Variants in UBE4B observed in about 807,000 individuals in gnomAD.
UBE4B encodes ubiquitination factor E4B.
A neutral mutation model predicts 148.1 loss-of-function variants in UBE4B; 27 were observed. The observed-to-expected ratio is 0.18, with a 90% confidence interval of 0.13 to 0.25. The LOEUF (loss-of-function observed/expected upper bound fraction) is 0.25. UBE4B is among the 10% of genes least tolerant of loss of function. The pLI is 1.00. For missense variants in UBE4B, 1,170 were observed against 1,662.4 expected, an observed-to-expected ratio of 0.70 and a Z score of 5.15; for synonymous variants, 596 against 619.3, an observed-to-expected ratio of 0.96 and a Z score of 0.56.
chr1:10,075,292 A>G (rs2101837598), intron 2 of UBE4B, among the ~76,000 whole-genome samples: 1 of 152,342 alleles, frequency 6.6e-6, no homozygotes, highest in Admixed American at 6.5e-5. Flanking sequence ...GCCCTGCTCT[A>G]GACCTGTCAG....
chr1:10,149,199 A>G lies in UBE4B; in HGVS notation c.2607A>G (p.Leu869=), dbSNP rs747131906. ...TCTTTGACAGTATAACACTGCCTTTAAATTCAGATGTCCCCAAGGTATTTG... is the reference window on the plus strand; with the variant it reads ...TCTTTGACAGTATAACACTGCCTTTGAATTCAGATGTCCCCAAGGTATTTG... ...DPAYPDITLP[L]NSDVPKVFAA... The change falls in exon 20 of 28, where the codon TTA becomes TTG. Residue 869 remains leucine, a synonymous_variant. Transcript: ENST00000343090. The G allele has an allele frequency of 1.9e-6, 3 of 1,604,840 alleles. No individual in the cohort carries two copies. In the Admixed American group the frequency reaches 5.2e-5, roughly 28 times the overall value.
intron 2 of UBE4B, among the ~76,000 whole-genome samples, chr1:10,077,988 T>G (rs982834349): frequency 1.3e-5 from 2 of 152,146 alleles, no homozygotes; most frequent in East Asian, 1.9e-4. Context: ...AATGCCACTT[T>G]TTTATAGTTA....
At chr1:10,127,202 TAAAA>T (rs35655615) in intron 11 of UBE4B, among the ~76,000 whole-genome samples, 1 of 144,398 alleles carries the variant, frequency 6.9e-6, no homozygotes, top group African/African-American at 2.5e-5. Context: ...TTTTGTTACT[TAAAA>T]AAAAAAAACC....
At chr1:10,049,593 A>AT (rs58272276) in intron 1 of UBE4B, among the ~76,000 whole-genome samples, 10 of 151,282 alleles carry the variant, frequency 6.6e-5, no homozygotes, top group South Asian at 4.2e-4. Context: ...AAAAAAAAAA[A>AT]TTTTTTTAAA....
intron 2 of UBE4B, among the ~76,000 whole-genome samples, chr1:10,079,372 C>G (rs1388337179): frequency 6.6e-6 from 1 of 152,080 alleles, no homozygotes; most frequent in African/African-American, 2.4e-5. Context: ...GTTGACCAGG[C>G]TGGTCTTGAA....
intron 1 of UBE4B, among the ~76,000 whole-genome samples, chr1:10,051,031 A>G (rs902536141): frequency 1.3e-5 from 2 of 152,092 alleles, no homozygotes; most frequent in African/African-American, 4.8e-5. Flanking sequence ...GTTTTGAGAC[A>G]GGACTTGCTC....
chr1:10,079,114 G>A (rs1644632463), intron 2 of UBE4B, among the ~76,000 whole-genome samples: 1 of 152,074 alleles, frequency 6.6e-6, no homozygotes, highest in South Asian at 2.1e-4. Context: ...GTTCTCCATT[G>A]TTTTCATTCC....
At position 10,154,661 on chromosome 1, in the gene UBE4B, A is replaced by C. The variant is rs6665885; in HGVS notation, c.2926+3100A>C. Among the ~76,000 whole-genome samples, 745 of 152,288 alleles carry C rather than the reference A, an allele frequency of 4.9e-3. 9 individuals are homozygous for C. The highest frequency in any genetic ancestry group is 0.017 in the African/African-American group (695 of 41,558). ...GAGGCTTAGTCTGGCCAAAATGGTGAAACCCCGTCTCTACTAAAAATACAA... is the reference window on the plus strand; with the variant it reads ...GAGGCTTAGTCTGGCCAAAATGGTGCAACCCCGTCTCTACTAAAAATACAA... On this transcript the variant is annotated intron_variant, in intron 21 of 27. Transcript: ENST00000343090.
At position 10,121,977 on chromosome 1, in the gene UBE4B, G is replaced by A. The variant is rs903074945; in HGVS notation, c.1455G>A (p.Pro485=). The A allele has an allele frequency of 6.2e-6, 10 of 1,612,294 alleles. No homozygotes were observed. Among genetic ancestry groups the A allele is most frequent in the African/African-American group, 4.0e-5 (3 of 74,780 alleles). The change falls in exon 10 of 28, where the codon CCG becomes CCA. Residue 485 remains proline (P), a synonymous_variant. Coordinates refer to ENST00000343090, the MANE Select transcript of UBE4B (RefSeq NM_001105562.3). ...SLTQPRSLQQ[P]SFLVPYMLCR... ...GGGTCCACAGGTCCTTGCAGCAGCC[G>A]TCCTTCCTAGTGCCGTATATGCTGT...
chr1:10,149,602 A>T (rs74776834), intron 20 of UBE4B, among the ~76,000 whole-genome samples: 3,076 of 152,346 alleles, frequency 0.02, 96 homozygotes, highest in African/African-American at 0.069. Flanking sequence ...AACATCCCAA[A>T]ACCAGAAATA....
chr1:10,128,064 G>A (rs948345908), intron 11 of UBE4B, among the ~76,000 whole-genome samples: 3 of 152,168 alleles, frequency 2.0e-5, no homozygotes, highest in Admixed American at 6.6e-5. Flanking sequence ...GAATCCTTAT[G>A]TATTGTTCTC....
intron 1 of UBE4B, among the ~76,000 whole-genome samples, chr1:10,048,056 C>T (rs1385506791): frequency 2.0e-5 from 3 of 152,018 alleles, no homozygotes; most frequent in African/African-American, 7.2e-5. Flanking sequence ...CCTGTGTTGC[C>T]TAGGCTGGTC....
At chr1:10,172,824 C>T (rs570091487) in intron 25 of UBE4B, among the ~76,000 whole-genome samples, 5 of 152,144 alleles carry the variant, frequency 3.3e-5, no homozygotes, top group South Asian at 2.1e-4. Context: ...CTGTTTCTGT[C>T]GATGCTGGAC....
At chr1:10,098,959 T>C (rs1644968447) in intron 3 of UBE4B, among the ~76,000 whole-genome samples, 1 of 152,098 alleles carries the variant, frequency 6.6e-6, no homozygotes, top group South Asian at 2.1e-4. Context: ...ACATGTTGGC[T>C]GGGCACAGTG....
chr1:10,163,409 C>G (rs928176144), intron 23 of UBE4B: 1 of 152,130 alleles, frequency 6.6e-6, no homozygotes, highest in Non-Finnish European at 1.5e-5. Context: ...GTGGCTCACG[C>G]CTGTAATCCC....
chr1:10,137,626 C>G (rs921975795), intron 17 of UBE4B, among the ~76,000 whole-genome samples: 1 of 152,132 alleles, frequency 6.6e-6, no homozygotes, highest in African/African-American at 2.4e-5. Flanking sequence ...ACATGTAATT[C>G]TCTTTTTGGC....
At chr1:10,162,374 C>T (rs1029866215) in intron 23 of UBE4B, among the ~76,000 whole-genome samples, 11 of 152,200 alleles carry the variant, frequency 7.2e-5, no homozygotes, top group Non-Finnish European at 1.0e-4. Flanking sequence ...GGGGTTTCAC[C>T]GTGTTAGCCA....
chr1:10,178,031 A>G (rs1056068047), intron 25 of UBE4B, among the ~76,000 whole-genome samples: 1 of 152,012 alleles, frequency 6.6e-6, no homozygotes. Flanking sequence ...CTGGGGACAT[A>G]AATCGTGTCT....
intron 15 of UBE4B, among the ~76,000 whole-genome samples, chr1:10,133,232 G>A (rs1248103684): frequency 2.0e-5 from 3 of 152,176 alleles, no homozygotes; most frequent in African/African-American, 7.2e-5. Flanking sequence ...ATGATGTGAT[G>A]TGTATACTCA....
Sources: gnomAD v4.1 joint callset for allele counts (sites outside exome capture counted in the v4.1 genomes callset) on GRCh38, gnomAD v4.1.1 for gene constraint, MANE v1.5 for transcripts, NCBI Gene and HGNC (gene_info 2026-07-23, HGNC 2026-07-21) for gene names.